ZFHX3: variants seen among roughly 807,000 people sequenced by gnomAD.
The protein encoded by ZFHX3 is zinc finger homeobox 3.
In ZFHX3, 42 loss-of-function variants were observed where a neutral mutation model predicts 279.1. The observed-to-expected ratio is 0.15, with a 90% CI of 0.12 to 0.19. The LOEUF (loss-of-function observed/expected upper bound fraction) is 0.19, where lower values mean the gene tolerates loss of function less well. Ranked by LOEUF, ZFHX3 falls within the 10% of genes least tolerant of loss-of-function variation. ZFHX3 has a pLI of 1.00. For missense variants in ZFHX3, 4,981 were observed against 4,754.0 expected, an observed-to-expected ratio of 1.05 and a Z score of -1.40; for synonymous variants, 2,293 against 1,957.8, an observed-to-expected ratio of 1.17 and a Z score of -4.52.
chr16:72,838,851 A>G (rs1282296662), intron 4 of ZFHX3, among the ~76,000 whole-genome samples: 2 of 152,238 alleles, frequency 1.3e-5, no homozygotes, highest in African/African-American at 4.8e-5. Context: ...ACAAAGCACA[A>G]CGGAACGAAA....
chr16:73,271,361 T>C (rs1203742847), intron 4 of ZFHX3, among the ~76,000 whole-genome samples: 1 of 152,204 alleles, frequency 6.6e-6, no homozygotes, highest in African/African-American at 2.4e-5. Context: ...TGGCACCCAC[T>C]GGCAGGTCAC....
chr16:73,181,663 TG>T (rs1304000326), intron 5 of ZFHX3, among the ~76,000 whole-genome samples: 1 of 152,218 alleles, frequency 6.6e-6, no homozygotes, highest in Non-Finnish European at 1.5e-5. Flanking sequence ...TAAAGAGAAC[TG>T]AGCAAACGTG....
chr16:73,890,435 GTTTTGTTAT>G (rs2030496759), intron 1 of ZFHX3, among the ~76,000 whole-genome samples: 2 of 152,212 alleles, frequency 1.3e-5, no homozygotes, highest in African/African-American at 4.8e-5. Context: ...TTCTCGTTTG[GTTTTGTTAT>G]TAAAGGGAGA....
intron 3 of ZFHX3, among the ~76,000 whole-genome samples, chr16:73,445,153 T>A (rs1412047343): frequency 1.3e-5 from 2 of 151,748 alleles, no homozygotes; most frequent in African/African-American, 4.8e-5. Context: ...AAAAAAATCT[T>A]TTCATATACA....
At chr16:73,579,837 A>C (rs2051839190) in intron 2 of ZFHX3, among the ~76,000 whole-genome samples, 1 of 132,932 alleles carries the variant, frequency 7.5e-6, no homozygotes, top group South Asian at 2.5e-4. Context: ...TGGGTTCACA[A>C]ATATATATTA....
intron 1 of ZFHX3, among the ~76,000 whole-genome samples, chr16:72,976,269 A>T (rs1962341819): frequency 6.6e-6 from 1 of 152,198 alleles, no homozygotes; most frequent in Admixed American, 6.5e-5. Flanking sequence ...AAATTTTGGC[A>T]ACTGTTCCTG....
rs867729622 is a variant in ZFHX3 at position 73,790,435 on chromosome 16, T to C, written c.-1608+101216A>G. Among the ~76,000 whole-genome samples the C allele has an allele frequency of 7.2e-5, 11 of 152,352 alleles. 1 individual carries two copies. The Middle Eastern group carries it at 0.017, about 236-fold the overall frequency. On this transcript the variant is annotated intron_variant, in intron 1 of 17. Coordinates refer to the ZFHX3 transcript ENST00000641206. ...TTCTGTGCTTGTTTTTTATAAAAAC[T>C]CTTGTAAAATGTGAAAAGGTGGATG...
chr16:73,197,924 G>GTTTTTTTTTTTTTTTTTTT (rs71156148), intron 5 of ZFHX3, among the ~76,000 whole-genome samples: 1 of 53,748 alleles, frequency 1.9e-5, no homozygotes, highest in Non-Finnish European at 3.3e-5. Flanking sequence ...TGATTTGGTG[G>GTTTTTTTTTTTTTTTTTTT]TTTTTTTTTT....
chr16:73,421,770 CTGGGTGGGGGA>C (rs1403457171), intron 3 of ZFHX3, among the ~76,000 whole-genome samples: 1 of 152,100 alleles, frequency 6.6e-6, no homozygotes, highest in Non-Finnish European at 1.5e-5. Flanking sequence ...GGGCTTCTGT[CTGGGTGGGGGA>C]TGGGTTTGTT....
At chr16:73,354,796 A>G (rs1456619301) in intron 3 of ZFHX3, among the ~76,000 whole-genome samples, 2 of 152,106 alleles carry the variant, frequency 1.3e-5, no homozygotes, top group Non-Finnish European at 2.9e-5. Flanking sequence ...GCAGATTCCA[A>G]TTCATCACCC....
upstream of ZFHX3, chr16:73,048,492 G>A (rs1184850087): frequency 6.6e-6 from 1 of 152,222 alleles, no homozygotes; most frequent in South Asian, 2.1e-4. Flanking sequence ...CGCCGCCCCG[G>A]GAACCGGCCC....
intron 3 of ZFHX3, among the ~76,000 whole-genome samples, chr16:73,367,860 G>A (rs1369432140): frequency 2.1e-5 from 3 of 141,994 alleles, no homozygotes; most frequent in Non-Finnish European, 4.6e-5. Context: ...AGAGGATTAA[G>A]GAAGGTCTTT....
chr16:73,799,294 G>T (rs1390039655), intron 1 of ZFHX3, among the ~76,000 whole-genome samples: 1 of 152,166 alleles, frequency 6.6e-6, no homozygotes. Context: ...TTCTGAACAT[G>T]GGAAGATGCT....
intron 5 of ZFHX3, among the ~76,000 whole-genome samples, chr16:73,251,049 C>T (rs2013471836): frequency 6.6e-6 from 1 of 152,106 alleles, no homozygotes; most frequent in African/African-American, 2.4e-5. Context: ...AATTTATTTT[C>T]TTCTTCAATT....
rs1968243195 is a variant in ZFHX3, at chr16:73,200,327, TA to T, written c.-1103-56497del. ...TATTTTGCTATATATTACTAGGAAA[TA>T]TTTTTTGTTTCAGCCATAAAACCCC... On this transcript the variant is annotated intron_variant, in intron 5 of 17. Coordinates refer to the ZFHX3 transcript ENST00000641206. 2.6e-5 allele frequency among the ~76,000 whole-genome samples: 4 copies of T among 152,214 alleles called. No homozygotes were observed. The South Asian group carries it at 8.3e-4, about 32-fold the overall frequency.
At chr16:73,752,067 AAGAG>A (rs2053767008) in intron 1 of ZFHX3, among the ~76,000 whole-genome samples, 1 of 152,198 alleles carries the variant, frequency 6.6e-6, no homozygotes, top group Non-Finnish European at 1.5e-5. Flanking sequence ...TAAGCAGAGA[AAGAG>A]AGAAAGGAGG....
At chr16:73,182,468 A>G (rs1401808610) in intron 5 of ZFHX3, among the ~76,000 whole-genome samples, 2 of 152,162 alleles carry the variant, frequency 1.3e-5, no homozygotes, top group East Asian at 3.9e-4. Context: ...AAACAAAACA[A>G]AAAAAACAGT....
At position 73,804,831 on chromosome 16, in the gene ZFHX3, G is replaced by C. The variant is rs148233383; in HGVS notation, c.-1608+86820C>G. On this transcript the variant is annotated intron_variant, in intron 1 of 17. Coordinates refer to the ZFHX3 transcript ENST00000641206. ...TCTAAACTCTATGAAATCTTCTATGGCCAAAACACTATACACATACTACAT... is the reference window on the plus strand; with the variant it reads ...TCTAAACTCTATGAAATCTTCTATGCCCAAAACACTATACACATACTACAT... 2.2e-3 allele frequency among the ~76,000 whole-genome samples: 315 copies of C among 144,092 alleles called. 1 individual carries two copies. The highest frequency in any genetic ancestry group is 4.5e-3 in the Admixed American group (62 of 13,866). The allele number at this position is 144,092 out of a possible 152,430, so 94.5% of individuals were successfully genotyped here.
intron 2 of ZFHX3, among the ~76,000 whole-genome samples, chr16:73,494,715 A>G (rs28583391): frequency 0.21 from 31,503 of 149,466 alleles, 3,532 homozygotes; most frequent in African/African-American, 0.3. Flanking sequence ...ACGCACCACC[A>G]TGACCGGCTA....
Sources: allele counts gnomAD v4.1 joint callset (sites outside exome capture counted in the v4.1 genomes callset), GRCh38; gene constraint gnomAD v4.1.1; transcripts MANE v1.5; gene names NCBI Gene and HGNC (gene_info 2026-07-23, HGNC 2026-07-21).